Variants in IFT122 observed in about 807,000 individuals in gnomAD.
IFT122 encodes intraflagellar transport protein 122 homolog.
IFT122 carries 118 observed loss-of-function variants against 161.6 expected under a neutral mutation model. That is an observed-to-expected ratio of 0.73 (90% CI 0.63 to 0.85). The LOEUF (loss-of-function observed/expected upper bound fraction) is 0.85, where lower values mean the gene tolerates loss of function less well. IFT122 is among the 40% of genes least tolerant of loss of function. The pLI, the probability that IFT122 is intolerant of heterozygous loss-of-function variation, is 0.00. For missense variants in IFT122, 1,381 were observed against 1,579.6 expected (o/e 0.87, Z 2.13); for synonymous variants, 550 against 602.4 (o/e 0.91, Z 1.27).
chr3:129,477,106 G>C (rs556110198), intron 11 of IFT122, among the ~76,000 whole-genome samples: 3 of 152,252 alleles, frequency 2.0e-5, no homozygotes, highest in East Asian at 3.9e-4. Flanking sequence ...TTTATGACAG[G>C]TTGGAGCCAG....
chr3:129,481,028 G>C (rs558543614), intron 13 of IFT122, among the ~76,000 whole-genome samples: 1 of 152,158 alleles, frequency 6.6e-6, no homozygotes, highest in Non-Finnish European at 1.5e-5. Context: ...AATAGCCACT[G>C]CGATCAGCCT....
chr3:129,449,284 G>A (rs2074444975), intron 1 of IFT122, among the ~76,000 whole-genome samples: 2 of 151,972 alleles, frequency 1.3e-5, no homozygotes, highest in Non-Finnish European at 2.9e-5. Context: ...GTATCAATAA[G>A]AAAGCAAAAA....
At chr3:129,452,357 G>A (rs1559845319) in intron 3 of IFT122, 1 of 259,938 alleles carries the variant, frequency 3.8e-6, no homozygotes, top group African/African-American at 2.4e-5. Flanking sequence ...GCTGGAAGGT[G>A]ATAACTGTTA....
chr3:129,497,332 T>C (rs2080989899), intron 18 of IFT122, among the ~76,000 whole-genome samples: 1 of 152,182 alleles, frequency 6.6e-6, no homozygotes, highest in South Asian at 2.1e-4. Flanking sequence ...TTTCTTTCTG[T>C]GGGATGACCT....
At chr3:129,514,765 G>A in intron 25 of IFT122, 1 of 659,002 alleles carries the variant, frequency 1.5e-6, no homozygotes, top group South Asian at 1.7e-5. Context: ...CCCGCTCACA[G>A]CCCCCGGCCC....
rs2084612400 is a variant in IFT122 at position 129,520,476 on chromosome 3, T to C, written c.*211T>C. ...GGAGATGAGGAAGAGAATGTACATA[T>C]ATTTTCTAAGGAAAAAAATCTGTTA... On this transcript the variant is annotated 3_prime_UTR_variant, in exon 30 of 30. Coordinates refer to ENST00000348417, the MANE Select transcript of IFT122 (RefSeq NM_052989.3). The C allele has an allele frequency of 9.7e-6, 6 of 617,066 alleles. No individual in the cohort carries two copies. In the East Asian group the frequency reaches 1.4e-4, roughly 14 times the overall value. 38.2% of individuals were successfully genotyped at this position (617,066 alleles called of 1,614,324 possible). A position where few individuals can be genotyped will look rare whatever the true frequency, so the allele number is the denominator to read the frequency against.
chr3:129,513,558 C>G (rs549310817), intron 24 of IFT122: 1 of 154,592 alleles, frequency 6.5e-6, no homozygotes, highest in Non-Finnish European at 1.4e-5. Context: ...CACCTGTACT[C>G]ATCCTTTCCA....
Position 129,458,400 on chromosome 3 carries a change from T to C in IFT122, c.194-199T>C, listed in dbSNP as rs1559860525. 3.9e-5 allele frequency among the ~76,000 whole-genome samples: 6 copies of C among 152,222 alleles called. No homozygotes were observed. The South Asian group carries it at 1.2e-3, about 32-fold the overall frequency. ...ATGTAGTAGGCTCCCAATACATCTT[T>C]GTTTACTCAGTGTCAGACAAAGCAG... On this transcript the variant is annotated intron_variant, in intron 3 of 29. Transcript: ENST00000348417.
At chr3:129,473,681 C>G (rs1179785609) in intron 9 of IFT122, among the ~76,000 whole-genome samples, 1 of 152,182 alleles carries the variant, frequency 6.6e-6, no homozygotes, top group African/African-American at 2.4e-5. Flanking sequence ...AGAATTTAAG[C>G]TCTTACTTTG....
chr3:129,502,649 C>T, intron 19 of IFT122, 62 bp from the exon 20 acceptor site: 2 of 1,574,344 alleles, frequency 1.3e-6, no homozygotes, highest in Non-Finnish European at 1.7e-6. Context: ...AATGAATGGA[C>T]ATACGGCTTG....
In IFT122 at chr3:129,506,439, C is replaced by G; in HGVS notation, c.2681C>G (p.Ala894Gly). Residue 894 changes from alanine (A) to glycine (G), a missense_variant, in exon 22 of 30, where the codon GCG (alanine) becomes GGG (glycine). Coordinates refer to ENST00000348417, the MANE Select transcript of IFT122 (RefSeq NM_052989.3). ...AFHKAGRQRE[A>G]VQVLEQLTNN... The stretch of plus-strand genomic sequence containing the variant: ...CACAAGGCTGGGCGACAGAGAGAAG[C>G]GGTCCAGGTGCTGGAGCAGCTCACA... 1 of 1,614,146 alleles carries G rather than the reference C, an allele frequency of 6.2e-7. No individual in the cohort carries two copies. Among genetic ancestry groups the G allele is most frequent in the Non-Finnish European group, 8.5e-7 (1 of 1,180,028 alleles).
chr3:129,449,982 C>T (rs1395293051), intron 2 of IFT122, 45 bp downstream of exon 2: 2 of 1,274,932 alleles, frequency 1.6e-6, no homozygotes, highest in East Asian at 2.3e-5. Context: ...TCCCTAACCT[C>T]CCTCTTGTGA....
chr3:129,491,794 C>T (rs534740206), intron 16 of IFT122, among the ~76,000 whole-genome samples: 12 of 152,292 alleles, frequency 7.9e-5, no homozygotes, highest in Admixed American at 2.6e-4. Context: ...TGTGATGCTG[C>T]GTGACCCCCC....
In IFT122 at chr3:129,445,724, C is replaced by G. The variant is rs558671918; in HGVS notation, c.42-4147C>G. ...TAGTTGTGTGACATCAGGCAAACTA[C>G]TTGACCTCTCTGAGCCATGGTATCC... On this transcript the variant is annotated intron_variant, in intron 1 of 29. Transcript: ENST00000348417. Among the ~76,000 whole-genome samples the G allele has an allele frequency of 2.6e-5, 4 of 152,316 alleles. No individual in the cohort carries two copies. In the East Asian group the frequency reaches 7.7e-4, roughly 29 times the overall value.
Position 129,520,281 on chromosome 3 carries a change from C to T in IFT122, c.*16C>T, listed in dbSNP as rs763993447. On this transcript the variant is annotated 3_prime_UTR_variant, in exon 30 of 30. Coordinates refer to ENST00000348417, the MANE Select transcript of IFT122 (RefSeq NM_052989.3). The stretch of plus-strand genomic sequence containing the variant: ...TGGCCCATGACCAGCATCCTGGGGA[C>T]GGCCTGCACCCTCTGCCCGCCTTGG... 69 of 1,591,788 alleles carry T rather than the reference C, an allele frequency of 4.3e-5. No homozygotes were observed. The highest frequency in any genetic ancestry group is 1.2e-4 in the Admixed American group (7 of 59,516).
chr3:129,455,979 A>C (rs920384199), intron 3 of IFT122: 1 of 367,348 alleles, frequency 2.7e-6, no homozygotes, highest in Non-Finnish European at 5.5e-6. Context: ...GAAAATTCAC[A>C]TGTAAAAGTG....
chr3:129,452,400 G>T (rs1553732599), intron 3 of IFT122, among the ~76,000 whole-genome samples: 1 of 147,610 alleles, frequency 6.8e-6, no homozygotes, highest in Admixed American at 6.9e-5. Flanking sequence ...GAATGAGGGG[G>T]ATTGAGAGTG....
chr3:129,446,928 A>G (rs780364592), intron 1 of IFT122, among the ~76,000 whole-genome samples: 29 of 152,294 alleles, frequency 1.9e-4, no homozygotes, highest in Middle Eastern at 3.4e-3. Flanking sequence ...AACCTTAACA[A>G]TAGTCTGTTT....
At chr3:129,457,671 AT>A (rs1165754926) in intron 3 of IFT122, among the ~76,000 whole-genome samples, 2 of 151,308 alleles carry the variant, frequency 1.3e-5, no homozygotes, top group Non-Finnish European at 2.9e-5. Context: ...TTTGAGATCT[AT>A]TGCACAGCAT....
Sources: allele counts gnomAD v4.1 joint callset (sites outside exome capture counted in the v4.1 genomes callset), GRCh38; gene constraint gnomAD v4.1.1; transcripts MANE v1.5; gene names NCBI Gene and HGNC (gene_info 2026-07-23, HGNC 2026-07-21).